Variants in HRH2 observed in about 807,000 individuals in gnomAD.
HRH2 encodes the protein histamine receptor H2.
A neutral mutation model predicts 20.1 loss-of-function variants in HRH2; 4 were observed. That is an observed-to-expected ratio of 0.20 (90% confidence interval 0.10 to 0.45). The LOEUF (loss-of-function observed/expected upper bound fraction) is 0.45, where lower values mean the gene tolerates loss of function less well. Among genes scored for constraint, HRH2 ranks in the 20% least tolerant of loss-of-function variants. The probability of loss-of-function intolerance (pLI) is 0.99; values close to 1 mark genes in which losing one functional copy is unlikely to be tolerated. For missense variants in HRH2, 250 were observed against 461.6 expected (o/e 0.54, Z 4.20); for synonymous variants, 197 against 200.7 (o/e 0.98, Z 0.16).
Position 175,683,192 on chromosome 5 carries a change from A to T in HRH2, c.-42A>T. On this transcript the variant is annotated 5_prime_UTR_variant, in exon 2 of 3. Coordinates refer to ENST00000636584, the MANE Select transcript of HRH2 (RefSeq NM_001367711.1). Reference sequence around the variant, plus strand: ...TCACATTGGGAGCAGAGAAGAAGCAACCAGGGGCCCTGATCAGGGGACTGA... The same window carrying T: ...TCACATTGGGAGCAGAGAAGAAGCATCCAGGGGCCCTGATCAGGGGACTGA... 2 of 1,580,820 alleles carry T rather than the reference A, an allele frequency of 1.3e-6. No individual in the cohort carries two copies. Among genetic ancestry groups the T allele is most frequent in the Non-Finnish European group, 1.7e-6 (2 of 1,160,130 alleles).
At chr5:175,703,448 A>G (rs973419663) in intron 2 of HRH2, among the ~76,000 whole-genome samples, 8 of 152,238 alleles carry the variant, frequency 5.3e-5, no homozygotes, top group Admixed American at 2.6e-4. Flanking sequence ...ATATATAGCC[A>G]TAATGGCTCA....
At position 175,683,288 on chromosome 5, in the gene HRH2, A is replaced by G. The variant is rs1223608972; in HGVS notation, c.55A>G (p.Ile19Val). Residue 19 changes from isoleucine to valine, a missense_variant, in exon 2 of 3, where the codon ATC becomes GTC. This residue lies in a region of HRH2 where 24 missense variants were observed against 22.9 expected (regional missense o/e 1.05). Transcript: ENST00000636584. ...SFCLDSTACK[I>V]TITVVLAVLI... ...TTGCCTGGACTCTACCGCATGCAAGATCACCATCACCGTGGTCCTTGCGGT... is the reference window on the plus strand; with the variant it reads ...TTGCCTGGACTCTACCGCATGCAAGGTCACCATCACCGTGGTCCTTGCGGT... 5.6e-6 allele frequency: 9 copies of G among 1,613,922 alleles called. No homozygotes were observed. Among genetic ancestry groups the G allele is most frequent in the Non-Finnish European group, 7.6e-6 (9 of 1,180,006 alleles).
chr5:175,680,162 C>A (rs571819795), intron 1 of HRH2, among the ~76,000 whole-genome samples: 1 of 152,224 alleles, frequency 6.6e-6, no homozygotes, highest in African/African-American at 2.4e-5. Context: ...TGCCATTGCA[C>A]GTCTGCCAAC....
rs1176273683 is a variant in HRH2 at position 175,709,394 on chromosome 5, TCA to T, written c.*1426_*1427del. On this transcript the variant is annotated 3_prime_UTR_variant, in exon 3 of 3. Coordinates refer to ENST00000636584, the MANE Select transcript of HRH2 (RefSeq NM_001367711.1). ...GCACGAGGTTTGGTTATGAAATCAC[TCA>T]CAGATTTATAACTGCAGGCTTGGCT... The T allele has an allele frequency of 6.6e-6, 1 of 152,188 alleles. No homozygotes were observed. The highest frequency in any genetic ancestry group is 1.5e-5 in the Non-Finnish European group (1 of 68,048). 9.4% of individuals were successfully genotyped at this position (152,188 alleles called of 1,614,324 possible). A position where few individuals can be genotyped will look rare whatever the true frequency, so the allele number is the denominator to read the frequency against.
intron 2 of HRH2, among the ~76,000 whole-genome samples, chr5:175,695,577 T>A (rs1466731130): frequency 3.3e-5 from 5 of 152,242 alleles, no homozygotes; most frequent in Non-Finnish European, 5.9e-5. Context: ...AAACAGTTAC[T>A]GGCTAAAGGG....
At chr5:175,689,360 C>T (rs537915289) in intron 2 of HRH2, among the ~76,000 whole-genome samples, 282 of 150,722 alleles carry the variant, frequency 1.9e-3, no homozygotes, top group African/African-American at 6.3e-3. Flanking sequence ...ATTGGTTTAA[C>T]GTCTGCTCCC....
chr5:175,684,498 T>A, intron 2 of HRH2, 189 bp downstream of exon 2: 1 of 345,256 alleles, frequency 2.9e-6, no homozygotes, highest in Non-Finnish European at 4.1e-6. Context: ...AGCTCCCTTT[T>A]AAAAGGAGCA....
At chr5:175,684,520 T>C (rs1389414359) in intron 2 of HRH2, 1 of 305,874 alleles carries the variant, frequency 3.3e-6, no homozygotes, top group Non-Finnish European at 4.8e-6. Context: ...ATTAAAATTC[T>C]CAGAGGACTT....
chr5:175,694,187 T>C (rs1756483488), intron 2 of HRH2, among the ~76,000 whole-genome samples: 1 of 152,166 alleles, frequency 6.6e-6, no homozygotes, highest in Non-Finnish European at 1.5e-5. Context: ...TGTTTTATTC[T>C]GCTCCGGGAC....
intron 2 of HRH2, among the ~76,000 whole-genome samples, chr5:175,690,445 G>A (rs1176093736): frequency 6.6e-6 from 1 of 152,210 alleles, no homozygotes; most frequent in Non-Finnish European, 1.5e-5. Flanking sequence ...AAGGGGCGCA[G>A]ACATTTAGCA....
rs890307189 is a variant in HRH2 at position 175,677,424 on chromosome 5, G to C, written c.-525-5285G>C. ...CGGTCAGCATTTCTTAAATGAAGCT[G>C]TTCTGCCATGTTAAGTGGGAAGAAA... is the stretch of plus-strand genomic sequence containing the variant. On this transcript the variant is annotated intron_variant, in intron 1 of 2. Transcript: ENST00000636584. The surrounding 1 kb of genome is among the most constrained non-coding windows in gnomAD (Gnocchi z 4.2). 1.3e-5 allele frequency among the ~76,000 whole-genome samples: 2 copies of C among 152,220 alleles called. No individual in the cohort carries two copies. The highest frequency in any genetic ancestry group is 4.8e-5 in the African/African-American group (2 of 41,454).
intron 2 of HRH2, among the ~76,000 whole-genome samples, chr5:175,689,022 A>G (rs996248267): frequency 6.6e-6 from 1 of 152,074 alleles, no homozygotes; most frequent in Non-Finnish European, 1.5e-5. Context: ...TGATGCCTGG[A>G]GGGCTCCAGT....
chr5:175,710,400 C>G lies in HRH2; in HGVS notation c.*2429C>G, dbSNP rs1201324059. The G allele has an allele frequency of 2.0e-5, 3 of 152,272 alleles. No individual in the cohort carries two copies. Among genetic ancestry groups the G allele is most frequent in the African/African-American group, 7.2e-5 (3 of 41,466 alleles). 9.4% of individuals were successfully genotyped at this position (152,272 alleles called of 1,614,324 possible). On this transcript the variant is annotated 3_prime_UTR_variant, in exon 3 of 3. Transcript: ENST00000636584. ...TGATCCCCCCAGAGGTGCTTAGTCT[C>G]TTGGCTGAATTCCTTCTGGAATCCC...
At chr5:175,669,877 A>T (rs898144267) in intron 1 of HRH2, among the ~76,000 whole-genome samples, 3 of 152,228 alleles carry the variant, frequency 2.0e-5, no homozygotes, top group Non-Finnish European at 4.4e-5. Context: ...AGAGCACTAG[A>T]GCTCCACTAA....
chr5:175,674,243 G>A (rs958865782), intron 1 of HRH2, among the ~76,000 whole-genome samples: 3 of 152,160 alleles, frequency 2.0e-5, no homozygotes, highest in East Asian at 1.9e-4. Context: ...GGATATGGAC[G>A]TTCAAAGCCC....
At chr5:175,691,630 A>C (rs551470792) in intron 2 of HRH2, among the ~76,000 whole-genome samples, 1 of 151,894 alleles carries the variant, frequency 6.6e-6, no homozygotes, top group East Asian at 1.9e-4. Flanking sequence ...TGCCTGTAAT[A>C]CCGGCGCTTT....
intron 2 of HRH2, chr5:175,685,670 C>T (rs1756147487): frequency 1.6e-6 from 1 of 630,172 alleles, no homozygotes; most frequent in African/African-American, 1.8e-5. Flanking sequence ...GCCTCAGTTT[C>T]CTCATCGCAT....
At chr5:175,659,327 C>T (rs749094395) in intron 1 of HRH2, among the ~76,000 whole-genome samples, 2 of 152,134 alleles carry the variant, frequency 1.3e-5, no homozygotes, top group Non-Finnish European at 2.9e-5. Flanking sequence ...AGTTTCCTGT[C>T]CCTGGAGGTT....
intron 1 of HRH2, among the ~76,000 whole-genome samples, chr5:175,679,698 C>T (rs954088572): frequency 1.3e-5 from 2 of 152,102 alleles, no homozygotes; most frequent in East Asian, 1.9e-4. Context: ...GAAGTGAATA[C>T]AAGAAAGAGT....
Sources: allele counts gnomAD v4.1 joint callset (sites outside exome capture counted in the v4.1 genomes callset), GRCh38; gene constraint gnomAD v4.1.1; regional missense constraint gnomAD v4.1.1; non-coding constraint Gnocchi (gnomAD v3.1); transcripts MANE v1.5; gene names NCBI Gene and HGNC (gene_info 2026-07-23, HGNC 2026-07-21).